KYNU: variants seen among roughly 807,000 people sequenced by gnomAD.
KYNU encodes the protein L-kynurenine hydrolase.
Under a neutral mutation model 59.2 loss-of-function variants are expected in KYNU, and 54 were observed. The ratio of observed to expected loss-of-function variants is 0.91; its 90% CI spans 0.73 to 1.14. The LOEUF is 1.14. Ranked by LOEUF, KYNU falls within the 50% of genes most tolerant of loss-of-function variation. KYNU has a pLI of 0.00. For synonymous variants in KYNU, 177 were observed against 192.0 expected (o/e 0.92, Z 0.65); for missense variants, 567 against 554.4 (o/e 1.02, Z -0.23).
At position 143,042,618 on chromosome 2, in the gene KYNU, A is replaced by ATG. The variant is rs1558990223; in HGVS notation, c.*447_*448insGT. The ATG allele has an allele frequency of 1.5e-4, 6 of 40,300 alleles. No individual in the cohort carries two copies. The highest frequency in any genetic ancestry group is 5.7e-4 in the African/African-American group (6 of 10,528). 2.5% of individuals were successfully genotyped at this position (40,300 alleles called of 1,614,324 possible). A position where few individuals can be genotyped will look rare whatever the true frequency, so the allele number is the denominator to read the frequency against. Reference sequence around the variant, plus strand: ...TATATATATATATATATATATATATATATATATATATATGTGTGTGTGTGT... The same window carrying ATG: ...TATATATATATATATATATATATATATGTATATATATATATGTGTGTGTGTGT... On this transcript the variant is annotated 3_prime_UTR_variant, in exon 14 of 14. Transcript: ENST00000264170.
At chr2:142,945,707 A>G (rs1683750655) in intron 4 of KYNU, among the ~76,000 whole-genome samples, 1 of 152,054 alleles carries the variant, frequency 6.6e-6, no homozygotes, top group Admixed American at 6.6e-5. Context: ...ATCTGTGGCA[A>G]CAATATCCTC....
At chr2:143,014,280 T>C (rs2105208204) in intron 10 of KYNU, among the ~76,000 whole-genome samples, 1 of 152,346 alleles carries the variant, frequency 6.6e-6, no homozygotes, top group African/African-American at 2.4e-5. Flanking sequence ...GCCTCATCCC[T>C]TGGATTTTAT....
chr2:143,039,535 C>T (rs981351623), intron 12 of KYNU, among the ~76,000 whole-genome samples: 1 of 151,886 alleles, frequency 6.6e-6, no homozygotes, highest in Admixed American at 6.6e-5. Flanking sequence ...GGTATGTTCC[C>T]GGACCAAATT....
intron 4 of KYNU, chr2:142,947,106 C>A (rs1244168660): frequency 6.4e-7 from 1 of 1,550,918 alleles, no homozygotes; most frequent in African/African-American, 1.4e-5. Flanking sequence ...TTGCTTTTTT[C>A]AGCCACCCTT....
At chr2:143,027,253 A>G (rs750150044) in intron 10 of KYNU, among the ~76,000 whole-genome samples, 1 of 152,216 alleles carries the variant, frequency 6.6e-6, no homozygotes, top group Non-Finnish European at 1.5e-5. Context: ...AAAACAATGC[A>G]TATTTCCCAT....
At chr2:142,959,577 G>A (rs1431097161) in intron 7 of KYNU, among the ~76,000 whole-genome samples, 2 of 150,476 alleles carry the variant, frequency 1.3e-5, no homozygotes, top group Non-Finnish European at 3.0e-5. Context: ...CAAGAGTGAA[G>A]CTCCGTCTCA....
chr2:142,883,751 G>A (rs937367318), intron 1 of KYNU, among the ~76,000 whole-genome samples: 5 of 152,116 alleles, frequency 3.3e-5, no homozygotes, highest in African/African-American at 4.8e-5. Context: ...CAGTGACTCT[G>A]TCCCATTACT....
At chr2:142,915,456 CA>C in intron 2 of KYNU, among the ~76,000 whole-genome samples, 1 of 152,298 alleles carries the variant, frequency 6.6e-6, no homozygotes, top group South Asian at 2.1e-4. Flanking sequence ...GAACTTAAGT[CA>C]AGCATGAGCT....
At position 143,037,514 on chromosome 2, in the gene KYNU, G is replaced by A. The variant is rs954504460; in HGVS notation, c.1042-2914G>A. 6.6e-5 allele frequency among the ~76,000 whole-genome samples: 10 copies of A among 152,006 alleles called. No homozygotes were observed. In the South Asian group the frequency reaches 1.5e-3, roughly 22 times the overall value. ...GACTCAACAAAGAAATGTACTATAC[G>A]TTTCCTTTCAAATTTCCTAGAGAGA... On this transcript the variant is annotated intron_variant, in intron 12 of 13. Coordinates refer to ENST00000264170, the MANE Select transcript of KYNU (RefSeq NM_003937.3).
intron 4 of KYNU, chr2:142,948,124 T>C (rs1185501031): frequency 2.6e-5 from 4 of 152,268 alleles, no homozygotes; most frequent in African/African-American, 9.6e-5. Flanking sequence ...GGAGTGGCAC[T>C]GCTGCACCCT....
intron 3 of KYNU, among the ~76,000 whole-genome samples, chr2:142,919,424 A>AT (rs1281373127): frequency 6.6e-6 from 1 of 152,222 alleles, no homozygotes; most frequent in Non-Finnish European, 1.5e-5. Flanking sequence ...TACTTTTATG[A>AT]TAACCAGAAA....
intron 3 of KYNU, among the ~76,000 whole-genome samples, chr2:142,924,019 A>G (rs1682970345): frequency 6.6e-6 from 1 of 152,234 alleles, no homozygotes; most frequent in African/African-American, 2.4e-5. Context: ...TAAAAGCAAT[A>G]GTGTTTGAAT....
At chr2:142,894,779 C>T (rs1681815688) in intron 2 of KYNU, among the ~76,000 whole-genome samples, 1 of 151,966 alleles carries the variant, frequency 6.6e-6, no homozygotes, top group Non-Finnish European at 1.5e-5. Context: ...TAAACTAATG[C>T]CATAGTTCAA....
intron 2 of KYNU, among the ~76,000 whole-genome samples, chr2:142,886,014 G>A (rs1183306808): frequency 2.0e-5 from 3 of 152,096 alleles, no homozygotes; most frequent in Non-Finnish European, 2.9e-5. Flanking sequence ...TAAAGATGGC[G>A]AGTGTAAGAG....
At position 142,960,652 on chromosome 2, in the gene KYNU, T is replaced by A; in HGVS notation, c.611T>A (p.Ile204Asn). Residue 204 changes from isoleucine (I) to asparagine (N), a missense_variant, in exon 8 of 14, where the codon ATC becomes AAC. Coordinates refer to ENST00000264170, the MANE Select transcript of KYNU (RefSeq NM_003937.3). Reference protein sequence around the residue: ...EGEETLRIEDILEVIEKEGDS... With the variant: ...EGEETLRIEDNLEVIEKEGDS... ...GAAGAAACCTTAAGAATAGAGGATA[T>A]CCTTGAAGTAATTGAGAAGGAAGGA... 1 of 1,613,852 alleles carries A rather than the reference T, an allele frequency of 6.2e-7. No homozygotes were observed. Among genetic ancestry groups the A allele is most frequent in the Non-Finnish European group, 8.5e-7 (1 of 1,179,842 alleles).
At chr2:142,942,938 C>T (rs1683649427) in intron 4 of KYNU, among the ~76,000 whole-genome samples, 1 of 152,102 alleles carries the variant, frequency 6.6e-6, no homozygotes, top group South Asian at 2.1e-4. Context: ...GGCATTCTTC[C>T]CTTACCAGCT....
At chr2:142,904,162 CAG>C (rs1281680259) in intron 2 of KYNU, among the ~76,000 whole-genome samples, 1 of 152,230 alleles carries the variant, frequency 6.6e-6, no homozygotes. Context: ...AGTCAGGTGA[CAG>C]AGAGTTTGCT....
chr2:142,913,333 T>C (rs887346949), intron 2 of KYNU, among the ~76,000 whole-genome samples: 3 of 152,228 alleles, frequency 2.0e-5, no homozygotes, highest in Non-Finnish European at 2.9e-5. Context: ...CTTAGCACTA[T>C]AAGTTTTCCT....
At chr2:142,895,774 T>C (rs1265049411) in intron 2 of KYNU, among the ~76,000 whole-genome samples, 1 of 152,158 alleles carries the variant, frequency 6.6e-6, no homozygotes, top group Non-Finnish European at 1.5e-5. Flanking sequence ...AGCCTTGATC[T>C]CCCTGGCTCA....
Sources: gnomAD v4.1 joint callset for allele counts (sites outside exome capture counted in the v4.1 genomes callset) on GRCh38, gnomAD v4.1.1 for gene constraint, MANE v1.5 for transcripts, NCBI Gene and HGNC (gene_info 2026-07-23, HGNC 2026-07-21) for gene names.